Variants in COL13A1 observed in about 807,000 individuals in gnomAD.
COL13A1 encodes the protein collagen type XIII alpha 1 chain.
COL13A1 carries 89 observed loss-of-function variants against 130.9 expected under a neutral mutation model. The observed-to-expected ratio is 0.68, with a 90% confidence interval of 0.57 to 0.81. The LOEUF (loss-of-function observed/expected upper bound fraction) is 0.81. Ranked by LOEUF, COL13A1 falls within the 30% of genes least tolerant of loss-of-function variation. COL13A1 has a pLI of 0.00. For synonymous variants in COL13A1, 402 were observed against 341.6 expected, an observed-to-expected ratio of 1.18 and a Z score of -1.95; for missense variants, 879 against 934.6, an observed-to-expected ratio of 0.94 and a Z score of 0.78.
At chr10:69,847,939 A>G (rs927306562) in intron 2 of COL13A1, among the ~76,000 whole-genome samples, 14 of 152,258 alleles carry the variant, frequency 9.2e-5, no homozygotes, top group African/African-American at 3.4e-4. Flanking sequence ...AAGGCATAAG[A>G]GACCCTTCTG....
chr10:69,894,491 G>T (rs1309189641), intron 10 of COL13A1, 61 bp from the exon 11 acceptor site: 4 of 1,600,674 alleles, frequency 2.5e-6, no homozygotes, highest in East Asian at 4.5e-5. Flanking sequence ...CACCCAGGCA[G>T]GTGTCCCTGA....
At chr10:69,806,948 A>G (rs117470485) in intron 1 of COL13A1, among the ~76,000 whole-genome samples, 5,366 of 152,278 alleles carry the variant, frequency 0.035, 224 homozygotes, top group East Asian at 0.098. Flanking sequence ...CGAAGTTTGC[A>G]GTGAGCTGAG....
intron 23 of COL13A1, among the ~76,000 whole-genome samples, chr10:69,923,562 T>A (rs2064958566): frequency 6.6e-6 from 1 of 151,726 alleles, no homozygotes; most frequent in African/African-American, 2.4e-5. Context: ...TGGACACCAG[T>A]AAAGGGTACA....
At chr10:69,926,851 G>A (rs1173613728) in intron 26 of COL13A1, among the ~76,000 whole-genome samples, 1 of 152,100 alleles carries the variant, frequency 6.6e-6, no homozygotes, top group Non-Finnish European at 1.5e-5. Context: ...CGGCCTCAGA[G>A]TATAATCATG....
intron 2 of COL13A1, among the ~76,000 whole-genome samples, chr10:69,839,234 C>T (rs1189798461): frequency 6.6e-6 from 1 of 152,198 alleles, no homozygotes; most frequent in African/African-American, 2.4e-5. Flanking sequence ...TGTGCAGTGG[C>T]ACCGAGCTCT....
chr10:69,916,241 G>A (rs1268545301), intron 17 of COL13A1, among the ~76,000 whole-genome samples: 2 of 152,250 alleles, frequency 1.3e-5, no homozygotes, highest in Non-Finnish European at 2.9e-5. Flanking sequence ...GGCAGCCACA[G>A]CAGTCACACC....
At chr10:69,930,760 T>A (rs1020261150) in intron 30 of COL13A1, among the ~76,000 whole-genome samples, 6 of 152,210 alleles carry the variant, frequency 3.9e-5, no homozygotes, top group African/African-American at 1.4e-4. Context: ...ACCTGAGTTG[T>A]GCTCTGTCAT....
At chr10:69,855,275 C>T (rs1856082049) in intron 2 of COL13A1, among the ~76,000 whole-genome samples, 1 of 152,180 alleles carries the variant, frequency 6.6e-6, no homozygotes, top group Non-Finnish European at 1.5e-5. Flanking sequence ...GGCCATGGGG[C>T]TGCCAGGCTG....
rs184354424 is a variant in COL13A1, at chr10:69,801,967, C to A, written c.-457C>A. ...ACAGAGGCGCCGGAATCGGCCCCTG[C>A]GCTCCTCGCCAGCCGCCACGACCCA... On this transcript the variant is annotated 5_prime_UTR_variant, in exon 1 of 41. Transcript: ENST00000645393. The A allele has an allele frequency of 2.6e-3, 410 of 158,166 alleles. 2 individuals carry two copies. The highest frequency in any genetic ancestry group is 9.1e-3 in the African/African-American group (381 of 41,786). The allele number at this position is 158,166 out of a possible 1,614,324, so 9.8% of individuals were successfully genotyped here. A position where few individuals can be genotyped will look rare whatever the true frequency, so the allele number is the denominator to read the frequency against.
intron 2 of COL13A1, among the ~76,000 whole-genome samples, chr10:69,839,248 G>C (rs1217424985): frequency 6.6e-6 from 1 of 152,228 alleles, no homozygotes; most frequent in Non-Finnish European, 1.5e-5. Context: ...GAGCTCTAGT[G>C]ATATGAGGAC....
chr10:69,863,883 C>CTAT (rs1858987193), intron 2 of COL13A1, among the ~76,000 whole-genome samples: 1 of 152,128 alleles, frequency 6.6e-6, no homozygotes, highest in Admixed American at 6.6e-5. Flanking sequence ...TTGAGACCAG[C>CTAT]CTGGGCAACA....
At chr10:69,864,250 C>T (rs374693218) in intron 2 of COL13A1, among the ~76,000 whole-genome samples, 48 of 152,166 alleles carry the variant, frequency 3.2e-4, no homozygotes, top group African/African-American at 1.1e-3. Context: ...AGACAAAGTG[C>T]GGTGTTATAG....
At chr10:69,923,656 G>A (rs921335402) in intron 23 of COL13A1, 146 bp from the exon 24 acceptor site, 23 of 1,044,710 alleles carry the variant, frequency 2.2e-5, no homozygotes, top group Admixed American at 4.5e-5. Flanking sequence ...AGTCAGGGAG[G>A]TGGAAGAGTG....
intron 2 of COL13A1, among the ~76,000 whole-genome samples, chr10:69,853,947 T>C (rs1855694847): frequency 6.6e-6 from 1 of 152,254 alleles, no homozygotes; most frequent in Non-Finnish European, 1.5e-5. Flanking sequence ...CAAAATGTCC[T>C]TTAATGTTCT....
intron 15 of COL13A1, among the ~76,000 whole-genome samples, chr10:69,904,700 C>T (rs1261292485): frequency 2.0e-5 from 3 of 152,266 alleles, no homozygotes; most frequent in African/African-American, 4.8e-5. Context: ...GAATTGCCCG[C>T]GGCCCCCACA....
At chr10:69,942,909 G>A (rs546143521) in intron 35 of COL13A1, among the ~76,000 whole-genome samples, 7 of 152,274 alleles carry the variant, frequency 4.6e-5, no homozygotes, top group East Asian at 1.9e-4. Flanking sequence ...GTGCAGTGGC[G>A]CAATCTTGGC....
At chr10:69,918,360 AGAG>A in intron 19 of COL13A1, 43 bp downstream of exon 19, 1 of 1,603,082 alleles carries the variant, frequency 6.2e-7, no homozygotes, top group Non-Finnish European at 8.5e-7. Context: ...ACAGGGTGGG[AGAG>A]AAGAGAGCGG....
chr10:69,911,713 A>C (rs926328622), intron 17 of COL13A1, among the ~76,000 whole-genome samples: 1 of 152,224 alleles, frequency 6.6e-6, no homozygotes, highest in African/African-American at 2.4e-5. Flanking sequence ...ATGTCTGCAG[A>C]GTCTGCAGCA....
chr10:69,928,371 G>A (rs184820548), intron 27 of COL13A1, among the ~76,000 whole-genome samples: 4 of 152,218 alleles, frequency 2.6e-5, no homozygotes, highest in Admixed American at 2.6e-4. Flanking sequence ...CCAGCCCCAG[G>A]CCACCACTGC....
Sources: gnomAD v4.1 joint callset for allele counts (sites outside exome capture counted in the v4.1 genomes callset) on GRCh38, gnomAD v4.1.1 for gene constraint, MANE v1.5 for transcripts, NCBI Gene and HGNC (gene_info 2026-07-23, HGNC 2026-07-21) for gene names.